Variants in VDAC1 observed in about 807,000 individuals in gnomAD.
VDAC1 encodes non-selective voltage-gated ion channel VDAC1.
In VDAC1, 10 loss-of-function variants were observed where a neutral mutation model predicts 34.7. The ratio of observed to expected loss-of-function variants is 0.29; its 90% confidence interval spans 0.18 to 0.49. The LOEUF (loss-of-function observed/expected upper bound fraction) is 0.49, where lower values mean the gene tolerates loss of function less well. Among genes scored for constraint, VDAC1 ranks in the 20% least tolerant of loss-of-function variants. The pLI is 0.99. For synonymous variants in VDAC1, 130 were observed against 136.0 expected (o/e 0.96, Z 0.30); for missense variants, 230 against 347.9 (o/e 0.66, Z 2.69).
the VDAC1 span, among the ~76,000 whole-genome samples, chr5:134,071,761 G>A: frequency 6.6e-6 from 1 of 152,226 alleles, no homozygotes; most frequent in Admixed American, 6.5e-5. The surrounding 1 kb of genome is among the most constrained non-coding windows in gnomAD (Gnocchi z 4.1). Flanking sequence ...TGTGGGTTGA[G>A]GGGTGGGGTG....
intron 1 of VDAC1, among the ~76,000 whole-genome samples, chr5:133,994,124 T>C (rs148237182): frequency 6.6e-6 from 1 of 152,296 alleles, no homozygotes; most frequent in African/African-American, 2.4e-5. Context: ...AATAAACACA[T>C]ATATGACATG....
the VDAC1 span, among the ~76,000 whole-genome samples, chr5:134,105,109 C>T: frequency 6.6e-6 from 1 of 152,306 alleles, no homozygotes; most frequent in Middle Eastern, 3.4e-3. Flanking sequence ...GGAAAGAACT[C>T]GCTCCGTGAA....
the VDAC1 span, among the ~76,000 whole-genome samples, chr5:134,053,115 C>CA: frequency 0.15 from 23,222 of 150,214 alleles, 1,930 homozygotes; most frequent in East Asian, 0.28. Context: ...AACTCCGTCT[C>CA]AAAAAAAAAG....
In VDAC1 at chr5:133,972,135, C is replaced by T. The variant is rs1205650097; in HGVS notation, c.*636G>A. On this transcript the variant is annotated 3_prime_UTR_variant, in exon 9 of 9. Coordinates refer to ENST00000265333, the MANE Select transcript of VDAC1 (RefSeq NM_003374.3). ...GACACTTCCAAGCTTATAGCTGGAG[C>T]TCCTGGAAGCTATTTCATACTCTGG... 2.0e-5 allele frequency: 3 copies of T among 153,150 alleles called. No homozygotes were observed. The allele number at this position is 153,150 out of a possible 1,614,324, so 9.5% of individuals were successfully genotyped here. A position where few individuals can be genotyped will look rare whatever the true frequency, so the allele number is the denominator to read the frequency against.
chr5:133,973,865 C>T lies in VDAC1; in HGVS notation c.703-17G>A. 2.5e-6 allele frequency: 4 copies of T among 1,609,890 alleles called. No homozygotes were observed. The highest frequency in any genetic ancestry group is 3.4e-6 in the Non-Finnish European group (4 of 1,178,682). ...CACTTTAGCCTAATCAAGGAAATGACAAAACAGAGAAAACATTAAGTATAA... is the reference window on the plus strand; with the variant it reads ...CACTTTAGCCTAATCAAGGAAATGATAAAACAGAGAAAACATTAAGTATAA... On this transcript the variant is annotated splice_polypyrimidine_tract_variant and intron_variant, in intron 7 of 8. Coordinates refer to ENST00000265333, the MANE Select transcript of VDAC1 (RefSeq NM_003374.3).
At chr5:133,992,283 T>C (rs779394354) in intron 3 of VDAC1, 23 bp downstream of exon 3, 9 of 1,512,846 alleles carry the variant, frequency 5.9e-6, no homozygotes, top group Non-Finnish European at 7.1e-6. Flanking sequence ...ATACTCATGT[T>C]CCATGTGGGT....
the VDAC1 span, among the ~76,000 whole-genome samples, chr5:134,066,185 G>A: frequency 4.0e-5 from 6 of 151,898 alleles, no homozygotes; most frequent in Non-Finnish European, 8.8e-5. Flanking sequence ...TGTATTTTTA[G>A]TAGAGATGGG....
At chr5:134,074,888 A>T in the VDAC1 span, among the ~76,000 whole-genome samples, 7 of 152,138 alleles carry the variant, frequency 4.6e-5, no homozygotes, top group Non-Finnish European at 7.3e-5. Flanking sequence ...TTGCCAGGAA[A>T]ACCTAGACAG....
the VDAC1 span, among the ~76,000 whole-genome samples, chr5:134,044,061 C>G: frequency 3.9e-5 from 6 of 152,174 alleles, no homozygotes; most frequent in Non-Finnish European, 7.3e-5. Flanking sequence ...CGACTCAAAC[C>G]AAGCCTTTCC....
the VDAC1 span, among the ~76,000 whole-genome samples, chr5:134,028,971 A>G: frequency 6.6e-6 from 1 of 152,150 alleles, no homozygotes; most frequent in African/African-American, 2.4e-5. Context: ...TGTCATAAGG[A>G]CACTCAAGCA....
At chr5:134,095,549 G>C in the VDAC1 span, among the ~76,000 whole-genome samples, 1 of 151,902 alleles carries the variant, frequency 6.6e-6, no homozygotes, top group Non-Finnish European at 1.5e-5. Context: ...AGAGTGGACT[G>C]TTTGCCAGAT....
the VDAC1 span, among the ~76,000 whole-genome samples, chr5:134,026,750 T>C: frequency 6.6e-6 from 1 of 152,090 alleles, no homozygotes; most frequent in African/African-American, 2.4e-5. Flanking sequence ...TCCCACCTAC[T>C]CACCAACAAG....
At chr5:134,100,690 C>A in the VDAC1 span, among the ~76,000 whole-genome samples, 1 of 152,388 alleles carries the variant, frequency 6.6e-6, no homozygotes. Context: ...CGGGGAATCC[C>A]CTCCAGCTCC....
chr5:134,001,958 T>A (rs1753575215), intron 1 of VDAC1, among the ~76,000 whole-genome samples: 1 of 152,014 alleles, frequency 6.6e-6, no homozygotes, highest in Non-Finnish European at 1.5e-5. Flanking sequence ...TCAACTTTTC[T>A]CAGTGGCTAC....
the VDAC1 span, among the ~76,000 whole-genome samples, chr5:134,076,347 T>C: frequency 6.6e-6 from 1 of 152,228 alleles, no homozygotes; most frequent in Non-Finnish European, 1.5e-5. Flanking sequence ...TGTGGAGGCC[T>C]TCCTGAGTCC....
In VDAC1 at chr5:133,972,434, A is replaced by ATT. The variant is rs1366907405; in HGVS notation, c.*336_*337insAA. ...GGAACCAAGGTTCGATTCTCAGGAAATCACAATTTCATTCATTTACTCAAT... is the reference window on the plus strand; with the variant it reads ...GGAACCAAGGTTCGATTCTCAGGAAATTTCACAATTTCATTCATTTACTCAAT... On this transcript the variant is annotated 3_prime_UTR_variant, in exon 9 of 9. Coordinates refer to ENST00000265333, the MANE Select transcript of VDAC1 (RefSeq NM_003374.3). 2.3e-6 allele frequency: 1 copy of ATT among 429,422 alleles called. No individual in the cohort carries two copies. The highest frequency in any genetic ancestry group is 4.1e-6 in the Non-Finnish European group (1 of 245,148). 26.6% of individuals were successfully genotyped at this position (429,422 alleles called of 1,614,324 possible).
the VDAC1 span, among the ~76,000 whole-genome samples, chr5:134,046,624 T>C: frequency 6.6e-6 from 1 of 152,182 alleles, no homozygotes. Context: ...TGGAGGAAAA[T>C]GCCCAAGGTT....
chr5:134,066,343 T>A, the VDAC1 span, among the ~76,000 whole-genome samples: 4 of 152,238 alleles, frequency 2.6e-5, no homozygotes, highest in Non-Finnish European at 5.9e-5. Context: ...CTGTTGTAAC[T>A]ATTCAACTCT....
At chr5:134,026,532 A>C in the VDAC1 span, among the ~76,000 whole-genome samples, 7 of 151,644 alleles carry the variant, frequency 4.6e-5, no homozygotes, top group Non-Finnish European at 8.8e-5. Flanking sequence ...AAAAAAAAAA[A>C]AAAAAAACAC....
Sources: gnomAD v4.1 joint callset for allele counts (sites outside exome capture counted in the v4.1 genomes callset) on GRCh38, gnomAD v4.1.1 for gene constraint, Gnocchi (gnomAD v3.1) non-coding constraint, MANE v1.5 for transcripts, NCBI Gene and HGNC (gene_info 2026-07-23, HGNC 2026-07-21) for gene names.